HYDIN: variants seen among roughly 807,000 people sequenced by gnomAD.
HYDIN encodes the protein HYDIN axonemal central pair apparatus protein.
A neutral mutation model predicts 403.9 loss-of-function variants in HYDIN; 132 were observed. That is an observed-to-expected ratio of 0.33 (90% confidence interval 0.28 to 0.38). HYDIN has a LOEUF of 0.38. Ranked by LOEUF, HYDIN falls within the 10% of genes least tolerant of loss-of-function variation. The pLI is 1.00. For synonymous variants in HYDIN, 1,202 were observed against 1,891.7 expected (o/e 0.64, Z 9.46); for missense variants, 2,827 against 5,009.5 (o/e 0.56, Z 13.15).
chr16:71,020,658 A>T (rs534380341), intron 21 of HYDIN, among the ~76,000 whole-genome samples: 107 of 151,914 alleles, frequency 7.0e-4, no homozygotes, highest in Middle Eastern at 6.8e-3. Context: ...AAAATACAAA[A>T]ATTAGCCAGT....
chr16:70,879,985 C>A (rs1405690369), intron 60 of HYDIN, among the ~76,000 whole-genome samples: 1 of 54,576 alleles, frequency 1.8e-5, no homozygotes, highest in East Asian at 3.6e-4. Context: ...TGAACTAAGC[C>A]AGGAATCCAG....
chr16:70,960,674 T>C (rs2078384416), intron 38 of HYDIN, among the ~76,000 whole-genome samples: 2 of 152,176 alleles, frequency 1.3e-5, no homozygotes, highest in South Asian at 4.1e-4. Context: ...TTTACTTAAA[T>C]ACAGGTCTAG....
At chr16:70,868,826 G>A (rs368992717) in intron 65 of HYDIN, 38 bp from the exon 66 acceptor site, 79 of 1,569,172 alleles carry the variant, frequency 5.0e-5, no homozygotes, top group Admixed American at 9.3e-5. Context: ...TTGAGAATCC[G>A]ATCTTGAGGA....
At chr16:70,992,830 G>T (rs2669060) in intron 23 of HYDIN, among the ~76,000 whole-genome samples, 1 of 152,188 alleles carries the variant, frequency 6.6e-6, no homozygotes, top group Non-Finnish European at 1.5e-5. Flanking sequence ...CAACTGTACC[G>T]GCTGGTGCTG....
intron 4 of HYDIN, among the ~76,000 whole-genome samples, chr16:71,177,526 G>A (rs2086719564): frequency 6.6e-6 from 1 of 152,188 alleles, no homozygotes; most frequent in East Asian, 1.9e-4. Flanking sequence ...TCCAGAGTCT[G>A]GCTTTGCTGT....
intron 29 of HYDIN, 21 bp downstream of exon 29, chr16:70,981,370 T>A (rs760248676): frequency 6.2e-7 from 1 of 1,602,198 alleles, no homozygotes; most frequent in Middle Eastern, 1.8e-4. Context: ...AGTGGGGAAC[T>A]ACTCCAGTGT....
chr16:71,115,862 T>C, intron 9 of HYDIN, 67 bp from the exon 10 acceptor site: 3 of 838,136 alleles, frequency 3.6e-6, no homozygotes, highest in Non-Finnish European at 5.8e-6. Flanking sequence ...GTAAGTGTTA[T>C]TACATTAAAA....
chr16:70,910,074 TTTTAA>T (rs1316736070), intron 47 of HYDIN, among the ~76,000 whole-genome samples: 1 of 152,104 alleles, frequency 6.6e-6, no homozygotes, highest in Non-Finnish European at 1.5e-5. Flanking sequence ...TATGTTTCTT[TTTTAA>T]TTTTTTATTA....
chr16:71,059,841 T>C (rs1174081966), intron 18 of HYDIN, among the ~76,000 whole-genome samples: 2 of 152,146 alleles, frequency 1.3e-5, no homozygotes, highest in Non-Finnish European at 2.9e-5. Context: ...GTGTCCCTAA[T>C]CCTCACATTG....
intron 25 of HYDIN, among the ~76,000 whole-genome samples, chr16:70,990,761 T>C (rs1051764503): frequency 2.0e-5 from 3 of 152,178 alleles, no homozygotes; most frequent in African/African-American, 7.2e-5. Flanking sequence ...GGAGGATAAT[T>C]TCTAGAAGGG....
chr16:71,020,131 C>T (rs756348759), intron 22 of HYDIN, 43 bp downstream of exon 22: 4 of 1,602,662 alleles, frequency 2.5e-6, no homozygotes, highest in Admixed American at 3.4e-5. Flanking sequence ...CACACCCCGC[C>T]CCACCCCAGA....
chr16:71,149,705 T>C (rs1597887600), intron 7 of HYDIN, among the ~76,000 whole-genome samples: 2 of 152,120 alleles, frequency 1.3e-5, no homozygotes, highest in East Asian at 3.9e-4. Flanking sequence ...TTTTTTGTAT[T>C]TTAGTACAGA....
Position 70,843,100 on chromosome 16 carries a change from G to T in HYDIN, c.12874-2867C>A, listed in dbSNP as rs1191736952. 2.7e-5 allele frequency among the ~76,000 whole-genome samples: 4 copies of T among 149,302 alleles called. No homozygotes were observed. In the South Asian group the frequency reaches 8.4e-4, roughly 31 times the overall value. On this transcript the variant is annotated intron_variant, in intron 75 of 85. Coordinates refer to ENST00000393567, the MANE Select transcript of HYDIN (RefSeq NM_001270974.2). The stretch of plus-strand genomic sequence containing the variant: ...GTACATGTGCACATTGTGCAGGTTA[G>T]TTACATATGTATACATGTGCCATGC...
chr16:71,063,371 T>C (rs944808425), intron 16 of HYDIN, among the ~76,000 whole-genome samples: 2 of 152,240 alleles, frequency 1.3e-5, no homozygotes, highest in African/African-American at 4.8e-5. Context: ...GGTTTTGGTA[T>C]CTTGTTTATT....
At chr16:71,111,371 T>G (rs916470452) in intron 10 of HYDIN, among the ~76,000 whole-genome samples, 3 of 152,218 alleles carry the variant, frequency 2.0e-5, no homozygotes, top group Non-Finnish European at 4.4e-5. Flanking sequence ...GAGTAACACC[T>G]GCTTGTACCT....
chr16:71,188,529 A>G (rs2087267254), intron 1 of HYDIN, among the ~76,000 whole-genome samples: 1 of 152,212 alleles, frequency 6.6e-6, no homozygotes. Flanking sequence ...ACAAAGAAGA[A>G]TATTTTAGAG....
chr16:71,065,631 T>C (rs1258541443), intron 15 of HYDIN, among the ~76,000 whole-genome samples: 1 of 152,220 alleles, frequency 6.6e-6, no homozygotes, highest in Non-Finnish European at 1.5e-5. Context: ...CTGTGTAACC[T>C]TGGGCAAGAT....
At chr16:70,810,942 C>T (rs2035457976) in intron 84 of HYDIN, among the ~76,000 whole-genome samples, 1 of 152,078 alleles carries the variant, frequency 6.6e-6, no homozygotes, top group Admixed American at 6.5e-5. Flanking sequence ...ATAGTATGAG[C>T]TCTTTTTTGT....
chr16:70,842,196 T>C (rs2037874153), intron 75 of HYDIN, among the ~76,000 whole-genome samples: 1 of 151,474 alleles, frequency 6.6e-6, no homozygotes, highest in Non-Finnish European at 1.5e-5. Flanking sequence ...ATATGTCTGT[T>C]AGGCCTAGAG....
Sources: allele counts gnomAD v4.1 joint callset (sites outside exome capture counted in the v4.1 genomes callset), GRCh38; gene constraint gnomAD v4.1.1; transcripts MANE v1.5; gene names NCBI Gene and HGNC (gene_info 2026-07-23, HGNC 2026-07-21).